Variants in DGKD observed in about 807,000 individuals in gnomAD.
DGKD encodes diacylglycerol kinase delta.
Under a neutral mutation model 154.4 loss-of-function variants are expected in DGKD, and 68 were observed. The ratio of observed to expected loss-of-function variants is 0.44; its 90% CI spans 0.36 to 0.54. DGKD has a LOEUF of 0.54. DGKD is among the 20% of genes least tolerant of loss of function. The pLI is 0.00. For synonymous variants in DGKD, 693 were observed against 638.0 expected (o/e 1.09, Z -1.30); for missense variants, 1,343 against 1,593.6 (o/e 0.84, Z 2.68).
chr2:233,414,620 T>C (rs947857564), intron 3 of DGKD, among the ~76,000 whole-genome samples: 3 of 152,236 alleles, frequency 2.0e-5, no homozygotes, highest in African/African-American at 7.2e-5. Flanking sequence ...GTCTCAGGTA[T>C]CGTGGTCCTG....
chr2:233,389,353 G>A lies in DGKD; in HGVS notation c.267+986G>A, dbSNP rs752078596. Reference sequence around the variant, plus strand: ...TCACAGATTACTGCCATGTTTAAGCGGATGTGGTGTTAGACATTCAGACAC... The same window carrying A: ...TCACAGATTACTGCCATGTTTAAGCAGATGTGGTGTTAGACATTCAGACAC... On this transcript the variant is annotated intron_variant, in intron 2 of 29. Transcript: ENST00000264057. Among the ~76,000 whole-genome samples the A allele has an allele frequency of 1.4e-4, 21 of 152,204 alleles. 1 individual carries two copies. The highest frequency in any genetic ancestry group is 1.9e-4 in the African/African-American group (8 of 41,446).
intron 3 of DGKD, among the ~76,000 whole-genome samples, chr2:233,397,571 G>A (rs1017703653): frequency 2.0e-5 from 3 of 150,088 alleles, no homozygotes; most frequent in Non-Finnish European, 4.4e-5. Context: ...CACCAGAGGG[G>A]ACCAGAGTGG....
At position 233,445,378 on chromosome 2, in the gene DGKD, C is replaced by T. The variant is rs144036979; in HGVS notation, c.1195-245C>T. ...ACAGCTGAGAGATGGACCTGTGGCT[C>T]ATCCATTTCTCCCAGAAGCAGCATC... On this transcript the variant is annotated intron_variant, in intron 10 of 29. Coordinates refer to ENST00000264057, the MANE Select transcript of DGKD (RefSeq NM_152879.3). The surrounding 1 kb of genome is among the most constrained non-coding windows in gnomAD (Gnocchi z 5.5). Among the ~76,000 whole-genome samples, 353 of 152,148 alleles carry T rather than the reference C, an allele frequency of 2.3e-3. No homozygotes were observed. Among genetic ancestry groups the T allele is most frequent in the African/African-American group, 7.4e-3 (309 of 41,520 alleles).
At chr2:233,413,213 C>CGGG (rs1219048901) in intron 3 of DGKD, among the ~76,000 whole-genome samples, 1 of 152,148 alleles carries the variant, frequency 6.6e-6, no homozygotes, top group Admixed American at 6.5e-5. Context: ...GCCTGGCCAA[C>CGGG]ATGGTGAAAC....
rs752854423 is a variant in DGKD, at chr2:233,445,793, A to C, written c.1334+31A>C. ...TGGGGATGTGCTCCGGTGCCGTATG[A>C]GGAGACTTTGAGAGACAGGTCCCTT... On this transcript the variant is annotated intron_variant, in intron 11 of 29. Coordinates refer to ENST00000264057, the MANE Select transcript of DGKD (RefSeq NM_152879.3). This position sits in a 1 kb window ranked among gnomAD's most constrained non-coding sequence, Gnocchi z 5.5. The C allele has an allele frequency of 6.3e-7, 1 of 1,577,604 alleles. No homozygotes were observed. Among genetic ancestry groups the C allele is most frequent in the Non-Finnish European group, 8.6e-7 (1 of 1,159,196 alleles).
intron 3 of DGKD, among the ~76,000 whole-genome samples, chr2:233,426,151 T>C (rs2062290343): frequency 6.6e-6 from 1 of 152,262 alleles, no homozygotes; most frequent in African/African-American, 2.4e-5. Flanking sequence ...TTTCTAACAC[T>C]GTTTTAACAT....
At chr2:233,444,686 C>T (rs925177815) in intron 10 of DGKD, among the ~76,000 whole-genome samples, 1 of 148,782 alleles carries the variant, frequency 6.7e-6, no homozygotes, top group African/African-American at 2.5e-5. Context: ...CCTGCTCGCT[C>T]CTGCCTCCCC....
chr2:233,365,483 G>T (rs992555445), intron 1 of DGKD, among the ~76,000 whole-genome samples: 2 of 152,246 alleles, frequency 1.3e-5, no homozygotes, highest in Admixed American at 1.3e-4. Flanking sequence ...GACCTCAGGT[G>T]ATCCACCTGC....
Position 233,457,551 on chromosome 2 carries a change from TCAG to T in DGKD, c.2580+227_2580+229del, listed in dbSNP as rs1295828601. 4 of 654,376 alleles carry T rather than the reference TCAG, an allele frequency of 6.1e-6. No individual in the cohort carries two copies. The highest frequency in any genetic ancestry group is 1.1e-5 in the Non-Finnish European group (4 of 353,576). 40.5% of individuals were successfully genotyped at this position (654,376 alleles called of 1,614,324 possible). ...GAAGGTGGTCAGTGAGGGTCTGTGG[TCAG>T]CAGATGTGGTCAGCGGGTGTGACGT... On this transcript the variant is annotated intron_variant, in intron 21 of 29. Transcript: ENST00000264057. The surrounding 1 kb of genome is among the most constrained non-coding windows in gnomAD (Gnocchi z 5.5).
intron 3 of DGKD, among the ~76,000 whole-genome samples, chr2:233,394,965 G>A (rs1703912919): frequency 1.3e-5 from 2 of 151,978 alleles, no homozygotes; most frequent in Admixed American, 1.3e-4. Context: ...GTGTCCTAAA[G>A]TGTTGGTATT....
chr2:233,471,660 T>C lies in DGKD; in HGVS notation c.*2200T>C, dbSNP rs2064019342. On this transcript the variant is annotated 3_prime_UTR_variant, in exon 30 of 30. Transcript: ENST00000264057. Reference sequence around the variant, plus strand: ...GGTTTGGATCAAAAGTGTTTAAAATTAATATGTTGTCAGTGATTAGAACAA... The same window carrying C: ...GGTTTGGATCAAAAGTGTTTAAAATCAATATGTTGTCAGTGATTAGAACAA... 1 of 152,404 alleles carries C rather than the reference T, an allele frequency of 6.6e-6. No individual in the cohort carries two copies. Among genetic ancestry groups the C allele is most frequent in the African/African-American group, 2.4e-5 (1 of 41,466 alleles). 9.4% of individuals were successfully genotyped at this position (152,404 alleles called of 1,614,324 possible). A position where few individuals can be genotyped will look rare whatever the true frequency, so the allele number is the denominator to read the frequency against.
intron 10 of DGKD, among the ~76,000 whole-genome samples, chr2:233,443,267 C>T (rs1027464279): frequency 1.8e-4 from 28 of 152,190 alleles, no homozygotes; most frequent in African/African-American, 6.5e-4. Context: ...TGAAGTTGAA[C>T]GCCTCCTCAG....
Position 233,368,925 on chromosome 2 carries a change from C to T in DGKD, c.156+14251C>T, listed in dbSNP as rs141440400. Among the ~76,000 whole-genome samples the T allele has an allele frequency of 1.9e-3, 292 of 152,330 alleles. 1 individual carries two copies. Among genetic ancestry groups the T allele is most frequent in the Non-Finnish European group, 3.1e-3 (209 of 68,034 alleles). Reference sequence around the variant, plus strand: ...AGAAGGGACAGTGTGCGTCCTGTGGCCGAGGCTGCCAGCCCACAGCGTGCA... The same window carrying T: ...AGAAGGGACAGTGTGCGTCCTGTGGTCGAGGCTGCCAGCCCACAGCGTGCA... On this transcript the variant is annotated intron_variant, in intron 1 of 29. Transcript: ENST00000264057.
chr2:233,367,095 G>C (rs190135721), intron 1 of DGKD, among the ~76,000 whole-genome samples: 1 of 152,028 alleles, frequency 6.6e-6, no homozygotes, highest in South Asian at 2.1e-4. Context: ...CAAGTTTTAC[G>C]CATCATCTTT....
At position 233,356,148 on chromosome 2, in the gene DGKD, A is replaced by AT. The variant is rs1701524909; in HGVS notation, c.156+1475dup. On this transcript the variant is annotated intron_variant, in intron 1 of 29. Transcript: ENST00000264057. ...TTCCTTTAAGGTGAGATCTTGAGGG[A>AT]TAAAGAATTCACCAGGCTAAGTGGG... is the stretch of plus-strand genomic sequence containing the variant. Among the ~76,000 whole-genome samples, 6 of 152,330 alleles carry AT rather than the reference A, an allele frequency of 3.9e-5. No individual in the cohort carries two copies. The South Asian group carries it at 1.2e-3, about 32-fold the overall frequency.
chr2:233,427,714 C>T (rs1033324329), intron 3 of DGKD, among the ~76,000 whole-genome samples: 9 of 152,212 alleles, frequency 5.9e-5, no homozygotes, highest in African/African-American at 1.7e-4. Flanking sequence ...TTATTTAATA[C>T]ATTTGCTTGA....
At chr2:233,359,846 A>C (rs1410988763) in intron 1 of DGKD, among the ~76,000 whole-genome samples, 3 of 152,204 alleles carry the variant, frequency 2.0e-5, no homozygotes. Context: ...TCACACAGTT[A>C]ATATGAAGTT....
chr2:233,366,143 G>A (rs573977300), intron 1 of DGKD, among the ~76,000 whole-genome samples: 1 of 152,314 alleles, frequency 6.6e-6, no homozygotes, highest in East Asian at 1.9e-4. Flanking sequence ...GTTGGGATCT[G>A]ACACTGGAGA....
intron 3 of DGKD, among the ~76,000 whole-genome samples, chr2:233,411,359 G>A (rs1201033807): frequency 6.6e-6 from 1 of 152,162 alleles, no homozygotes; most frequent in Non-Finnish European, 1.5e-5. Flanking sequence ...CACTTGGTGT[G>A]ATCAGTCTTT....
Sources: allele counts gnomAD v4.1 joint callset (sites outside exome capture counted in the v4.1 genomes callset), GRCh38; gene constraint gnomAD v4.1.1; non-coding constraint Gnocchi (gnomAD v3.1); transcripts MANE v1.5; gene names NCBI Gene and HGNC (gene_info 2026-07-23, HGNC 2026-07-21).